Variants in NRXN3 observed in about 807,000 individuals in gnomAD.
NRXN3 encodes neurexin III.
In NRXN3, 32 loss-of-function variants were observed where a neutral mutation model predicts 137.6. The observed-to-expected ratio is 0.23, with a 90% CI of 0.18 to 0.31. NRXN3 has a LOEUF of 0.31. NRXN3 is among the 10% of genes least tolerant of loss of function. The probability of loss-of-function intolerance (pLI) is 1.00; values close to 1 mark genes in which losing one functional copy is unlikely to be tolerated. For synonymous variants in NRXN3, 798 were observed against 784.5 expected (o/e 1.02, Z -0.29); for missense variants, 1,574 against 2,062.5 (o/e 0.76, Z 4.59).
At chr14:78,746,826 A>G (rs907369535) in intron 8 of NRXN3, among the ~76,000 whole-genome samples, 1 of 152,232 alleles carries the variant, frequency 6.6e-6, no homozygotes, top group Non-Finnish European at 1.5e-5. Flanking sequence ...CTCCAAGAGT[A>G]GTGCCTTTGC....
At chr14:79,224,657 T>C (rs1229422060) in intron 15 of NRXN3, among the ~76,000 whole-genome samples, 1 of 151,278 alleles carries the variant, frequency 6.6e-6, no homozygotes, top group Non-Finnish European at 1.5e-5. Flanking sequence ...TATTTGGAGG[T>C]CACACTGGAG....
At chr14:78,420,646 C>T (rs927441828) in intron 4 of NRXN3, among the ~76,000 whole-genome samples, 2 of 152,120 alleles carry the variant, frequency 1.3e-5, no homozygotes, top group Non-Finnish European at 2.9e-5. Flanking sequence ...ATATTCTCAC[C>T]TGAAAACTAT....
intron 4 of NRXN3, among the ~76,000 whole-genome samples, chr14:78,638,462 C>T (rs141668217): frequency 6.6e-6 from 1 of 152,186 alleles, no homozygotes; most frequent in Non-Finnish European, 1.5e-5. Flanking sequence ...GGAAATGAGA[C>T]AGGGAGAGCC....
At chr14:79,094,975 AGAGAGT>A (rs1293527101) in intron 15 of NRXN3, among the ~76,000 whole-genome samples, 6 of 88,794 alleles carry the variant, frequency 6.8e-5, no homozygotes, top group East Asian at 6.2e-4. Context: ...AGAGAGAGAG[AGAGAGT>A]GTGTGTGTGT....
At position 78,483,981 on chromosome 14, in the gene NRXN3, TACACACACACACACACAC is replaced by T. The variant is rs71979335; in HGVS notation, c.758-161109_758-161092del. On this transcript the variant is annotated intron_variant, in intron 4 of 20. Transcript: ENST00000335750. ...TTCAGCATAAACCAAGGGATGCTCT[TACACACACACACACACAC>T]ACACACACACACACACACACACACA... 4.2e-3 allele frequency among the ~76,000 whole-genome samples: 525 copies of T among 123,716 alleles called. 19 individuals are homozygous for T. In the East Asian group the frequency reaches 0.076, roughly 18 times the overall value. The allele number at this position is 123,716 out of a possible 152,430, so 81.2% of individuals were successfully genotyped here.
intron 7 of NRXN3, among the ~76,000 whole-genome samples, chr14:78,710,396 A>G (rs1045678126): frequency 6.6e-6 from 1 of 151,942 alleles, no homozygotes; most frequent in Non-Finnish European, 1.5e-5. Context: ...CAAAATAGTC[A>G]GGGGTTTTTG....
intron 15 of NRXN3, among the ~76,000 whole-genome samples, chr14:79,443,869 C>T (rs2096009974): frequency 6.6e-6 from 1 of 152,222 alleles, no homozygotes; most frequent in African/African-American, 2.4e-5. Flanking sequence ...CCTTAGAATA[C>T]TTCCCCACTG....
chr14:79,433,994 A>C (rs2095804389), intron 15 of NRXN3, among the ~76,000 whole-genome samples: 1 of 152,164 alleles, frequency 6.6e-6, no homozygotes, highest in African/African-American at 2.4e-5. Context: ...GACCCACTGA[A>C]TAAGGTCACT....
At chr14:78,984,394 G>A (rs1371310455) in intron 14 of NRXN3, among the ~76,000 whole-genome samples, 2 of 152,112 alleles carry the variant, frequency 1.3e-5, no homozygotes, top group African/African-American at 4.8e-5. Context: ...CCACGTAATT[G>A]TTATTAGTTA....
intron 15 of NRXN3, among the ~76,000 whole-genome samples, chr14:79,101,319 T>C (rs1488408072): frequency 1.3e-5 from 2 of 152,204 alleles, no homozygotes; most frequent in Non-Finnish European, 2.9e-5. Context: ...TACTTCTCTT[T>C]ATTTCTCCAA....
At chr14:79,532,292 A>G (rs2097176615) in intron 16 of NRXN3, among the ~76,000 whole-genome samples, 1 of 152,302 alleles carries the variant, frequency 6.6e-6, no homozygotes. Context: ...TAAGCTTTCC[A>G]CTGATAATTA....
At chr14:79,003,225 G>T (rs762261442) in intron 15 of NRXN3, among the ~76,000 whole-genome samples, 1 of 152,014 alleles carries the variant, frequency 6.6e-6, no homozygotes, top group Non-Finnish European at 1.5e-5. Flanking sequence ...CCTAATTTTG[G>T]TTCTTGCCTG....
chr14:78,212,076 C>A (rs12891425), intron 1 of NRXN3, among the ~76,000 whole-genome samples: 61,574 of 151,940 alleles, frequency 0.41, 13,218 homozygotes, highest in Middle Eastern at 0.49. Flanking sequence ...GAGTGGTGTT[C>A]TGAGCACAAC....
At chr14:78,724,765 T>A (rs2098475470) in intron 8 of NRXN3, among the ~76,000 whole-genome samples, 1 of 152,222 alleles carries the variant, frequency 6.6e-6, no homozygotes, top group Non-Finnish European at 1.5e-5. Context: ...GCAACTGATT[T>A]AGAGGGAGGA....
At chr14:78,405,459 A>G (rs2092413681) in intron 4 of NRXN3, among the ~76,000 whole-genome samples, 1 of 152,174 alleles carries the variant, frequency 6.6e-6, no homozygotes, top group African/African-American at 2.4e-5. Context: ...GCTTAATAAA[A>G]TATTCTATTA....
At chr14:79,756,844 T>C (rs2099021299) in intron 19 of NRXN3, among the ~76,000 whole-genome samples, 1 of 152,202 alleles carries the variant, frequency 6.6e-6, no homozygotes, top group South Asian at 2.1e-4. Context: ...GCTTTACTAC[T>C]GGGAACCCGA....
intron 8 of NRXN3, among the ~76,000 whole-genome samples, chr14:78,768,665 T>C (rs1395089007): frequency 2.6e-5 from 4 of 152,184 alleles, no homozygotes. Flanking sequence ...TGTCTGAATA[T>C]CTTTCTATCC....
chr14:78,790,600 A>G (rs1233531794), intron 8 of NRXN3, among the ~76,000 whole-genome samples: 1 of 152,108 alleles, frequency 6.6e-6, no homozygotes, highest in Admixed American at 6.5e-5. Context: ...AGGGAAAGCA[A>G]TCTGGGCATT....
intron 4 of NRXN3, among the ~76,000 whole-genome samples, chr14:78,479,153 C>A (rs1048432419): frequency 3.3e-5 from 5 of 152,176 alleles, no homozygotes; most frequent in Non-Finnish European, 7.3e-5. Context: ...ACATTAGAAT[C>A]ACCTGGCGAA....
Sources: allele counts gnomAD v4.1 joint callset (sites outside exome capture counted in the v4.1 genomes callset), GRCh38; gene constraint gnomAD v4.1.1; transcripts MANE v1.5; gene names NCBI Gene and HGNC (gene_info 2026-07-23, HGNC 2026-07-21).